Variants in MARK1 observed in about 807,000 individuals in gnomAD.
The protein encoded by MARK1 is microtubule affinity regulating kinase 1, also known as serine/threonine-protein kinase MARK1.
MARK1 carries 40 observed loss-of-function variants against 96.3 expected under a neutral mutation model. That is an observed-to-expected ratio of 0.42 (90% CI 0.32 to 0.54). MARK1 has a LOEUF of 0.54. Among genes scored for constraint, MARK1 ranks in the 20% least tolerant of loss-of-function variants. The pLI, the probability that MARK1 is intolerant of heterozygous loss-of-function variation, is 0.16. For synonymous variants in MARK1, 317 were observed against 341.2 expected (o/e 0.93, Z 0.78); for missense variants, 719 against 984.6 (o/e 0.73, Z 3.61).
intron 3 of MARK1, among the ~76,000 whole-genome samples, chr1:220,581,442 CT>C (rs750800133): frequency 4.1e-4 from 63 of 152,166 alleles, no homozygotes; most frequent in Non-Finnish European, 8.2e-4. Flanking sequence ...CAGAATTGAC[CT>C]CTGAAAATTA....
At position 220,528,597 on chromosome 1, in the gene MARK1, C is replaced by T. The variant is rs1301784286; in HGVS notation, c.-226C>T. 2 of 490,326 alleles carry T rather than the reference C, an allele frequency of 4.1e-6. No individual in the cohort carries two copies. The highest frequency in any genetic ancestry group is 4.4e-5 in the Admixed American group (1 of 22,844). The allele number at this position is 490,326 out of a possible 1,614,324, so 30.4% of individuals were successfully genotyped here. A position where few individuals can be genotyped will look rare whatever the true frequency, so the allele number is the denominator to read the frequency against. ...CCCGAAGCCCTCCCTCGTTACTGTCCGCATACCCCGGCGGCGCCGCCGCGG... is the reference window on the plus strand; with the variant it reads ...CCCGAAGCCCTCCCTCGTTACTGTCTGCATACCCCGGCGGCGCCGCCGCGG... On this transcript the variant is annotated 5_prime_UTR_variant, in exon 1 of 18. Transcript: ENST00000366917.
intron 3 of MARK1, among the ~76,000 whole-genome samples, chr1:220,586,646 C>T (rs1664647733): frequency 6.6e-6 from 1 of 152,120 alleles, no homozygotes; most frequent in Admixed American, 6.5e-5. Flanking sequence ...TTAATAGCTG[C>T]AAAGCATCCA....
At chr1:220,638,117 ATTT>A (rs35224257) in intron 13 of MARK1, among the ~76,000 whole-genome samples, 6 of 140,558 alleles carry the variant, frequency 4.3e-5, no homozygotes, top group Non-Finnish European at 1.6e-5. Context: ...TGGGGCTTAA[ATTT>A]TTTTTTTTTT....
At chr1:220,556,037 C>A (rs1296235873) in intron 1 of MARK1, among the ~76,000 whole-genome samples, 1 of 152,162 alleles carries the variant, frequency 6.6e-6, no homozygotes, top group Non-Finnish European at 1.5e-5. Flanking sequence ...ATGGTAAGCA[C>A]AAGCTGACAT....
At chr1:220,637,037 G>A (rs1163797450) in intron 13 of MARK1, among the ~76,000 whole-genome samples, 2 of 152,244 alleles carry the variant, frequency 1.3e-5, no homozygotes, top group Non-Finnish European at 1.5e-5. Flanking sequence ...ATCTTATCTA[G>A]CCATGTTGTC....
chr1:220,578,665 A>G (rs1664031282), intron 1 of MARK1, among the ~76,000 whole-genome samples: 1 of 152,208 alleles, frequency 6.6e-6, no homozygotes, highest in Non-Finnish European at 1.5e-5. Context: ...ATTTATACCC[A>G]TGAGGTTGTC....
At position 220,627,367 on chromosome 1, in the gene MARK1, G is replaced by C. The variant is rs1356926451; in HGVS notation, c.910-3668G>C. 4 of 487,680 alleles carry C rather than the reference G, an allele frequency of 8.2e-6. No homozygotes were observed. In the East Asian group the frequency reaches 2.6e-4, roughly 31 times the overall value. 30.2% of individuals were successfully genotyped at this position (487,680 alleles called of 1,614,324 possible). A position where few individuals can be genotyped will look rare whatever the true frequency, so the allele number is the denominator to read the frequency against. ...GAAAAGAGAAAGACCTAGATGAGAA[G>C]AGCAAAGTCACAGAAGAGGAGAAAA... On this transcript the variant is annotated intron_variant, in intron 9 of 17. Coordinates refer to ENST00000366917, the MANE Select transcript of MARK1 (RefSeq NM_018650.5).
chr1:220,620,955 T>C (rs750802539), intron 9 of MARK1, among the ~76,000 whole-genome samples: 1 of 152,130 alleles, frequency 6.6e-6, no homozygotes, highest in African/African-American at 2.4e-5. Context: ...CCTAGAAATA[T>C]TGGTGACTTC....
chr1:220,608,985 C>T (rs1025251948), intron 6 of MARK1, among the ~76,000 whole-genome samples: 8 of 152,196 alleles, frequency 5.3e-5, no homozygotes, highest in South Asian at 2.1e-4. Flanking sequence ...AGTATGTGGA[C>T]GGTTTTGGAA....
chr1:220,616,254 A>T (rs1666745210), intron 7 of MARK1, among the ~76,000 whole-genome samples: 1 of 152,184 alleles, frequency 6.6e-6, no homozygotes, highest in South Asian at 2.1e-4. Flanking sequence ...TTAAATGCAT[A>T]GATATGGAAC....
chr1:220,578,383 G>A (rs974864895), intron 1 of MARK1, among the ~76,000 whole-genome samples: 39 of 152,204 alleles, frequency 2.6e-4, no homozygotes, highest in Admixed American at 2.4e-3. Context: ...AACAGGATCA[G>A]CTCTCCATTG....
intron 1 of MARK1, among the ~76,000 whole-genome samples, chr1:220,549,660 G>T (rs1303631328): frequency 6.6e-6 from 1 of 152,220 alleles, no homozygotes; most frequent in Non-Finnish European, 1.5e-5. Flanking sequence ...GAGTACAGAA[G>T]AGGAGAGTTG....
At chr1:220,659,467 G>T (rs184907220) in intron 17 of MARK1, among the ~76,000 whole-genome samples, 10 of 152,254 alleles carry the variant, frequency 6.6e-5, no homozygotes, top group African/African-American at 1.9e-4. Context: ...TCAACTCTGC[G>T]TGCCTCCATT....
At chr1:220,559,726 G>C (rs541734781) in intron 1 of MARK1, among the ~76,000 whole-genome samples, 1 of 152,230 alleles carries the variant, frequency 6.6e-6, no homozygotes, top group African/African-American at 2.4e-5. Flanking sequence ...TATGGAGGCA[G>C]TGGGTAGGCT....
intron 7 of MARK1, among the ~76,000 whole-genome samples, chr1:220,616,347 T>C (rs1313059920): frequency 6.6e-6 from 1 of 152,182 alleles, no homozygotes; most frequent in Non-Finnish European, 1.5e-5. Context: ...TAAGAGACAG[T>C]ATTCACACTC....
chr1:220,652,102 A>G lies in MARK1; in HGVS notation c.1688A>G (p.Lys563Arg). The G allele has an allele frequency of 6.2e-7, 1 of 1,613,364 alleles. No individual in the cohort carries two copies. The highest frequency in any genetic ancestry group is 2.2e-5 in the East Asian group (1 of 44,838). ...ATGTCCACTTCTGGTCATCCTATTA[A>G]AGTCACACTGCCAACCATTAAAGAC... ...KSMSTSGHPI[K>R]VTLPTIKDGS... The change falls in exon 15 of 18, where the codon AAA becomes AGA. Residue 563 changes from lysine (K) to arginine (R), a missense_variant. Transcript: ENST00000366917.
chr1:220,624,473 C>CTGT (rs1667214388), intron 9 of MARK1, among the ~76,000 whole-genome samples: 1 of 151,530 alleles, frequency 6.6e-6, no homozygotes, highest in African/African-American at 2.4e-5. Context: ...GTGCCCATGC[C>CTGT]TGTAATCCCA....
rs185058962 is a variant in MARK1, at chr1:220,604,923, T to G, written c.495+786T>G. On this transcript the variant is annotated intron_variant, in intron 6 of 17. Transcript: ENST00000366917. ...TAAAGTTTAAGTGGATAATTTACTA[T>G]ATCCTAAACTTTTATTAAATTTAGA... Among the ~76,000 whole-genome samples, 164 of 152,306 alleles carry G rather than the reference T, an allele frequency of 1.1e-3. 1 individual carries two copies. The highest frequency in any genetic ancestry group is 3.4e-3 in the Middle Eastern group (1 of 294).
At chr1:220,636,839 C>G (rs1367344714) in intron 13 of MARK1, among the ~76,000 whole-genome samples, 1 of 150,794 alleles carries the variant, frequency 6.6e-6, no homozygotes, top group Non-Finnish European at 1.5e-5. Context: ...GGAGGTGGAG[C>G]TTGCAGTGAG....
Sources: allele counts gnomAD v4.1 joint callset (sites outside exome capture counted in the v4.1 genomes callset), GRCh38; gene constraint gnomAD v4.1.1; transcripts MANE v1.5; gene names NCBI Gene and HGNC (gene_info 2026-07-23, HGNC 2026-07-21).